Variants in ATP7B observed in about 807,000 individuals in gnomAD.
ATP7B encodes the protein ATPase copper transporting beta.
ATP7B carries 113 observed loss-of-function variants against 118.9 expected under a neutral mutation model. That is an observed-to-expected ratio of 0.95 (90% CI 0.82 to 1.11). The LOEUF (loss-of-function observed/expected upper bound fraction) is 1.11. Among genes scored for constraint, ATP7B ranks in the 50% most tolerant of loss-of-function variants. The pLI, the probability that ATP7B is intolerant of heterozygous loss-of-function variation, is 0.00. For synonymous variants in ATP7B, 777 were observed against 727.4 expected, an observed-to-expected ratio of 1.07 and a Z score of -1.10; for missense variants, 1,867 against 1,871.4, an observed-to-expected ratio of 1.00 and a Z score of 0.04.
At chr13:51,939,002 T>C (rs929385668) in intron 17 of ATP7B, 49 bp downstream of exon 17, 1 of 1,614,082 alleles carries the variant, frequency 6.2e-7, no homozygotes, top group African/African-American at 1.3e-5. Context: ...CTTTTGTCTC[T>C]AACTGCTTTT....
chr13:51,959,508 C>CAG (rs1958591872), intron 7 of ATP7B: 1 of 58,236 alleles, frequency 1.7e-5, no homozygotes, highest in South Asian at 7.0e-4. Flanking sequence ...GACCCTGTCT[C>CAG]AAAAAAAAAA....
chr13:51,947,142 C>T (rs1957717415), intron 12 of ATP7B, among the ~76,000 whole-genome samples: 1 of 152,116 alleles, frequency 6.6e-6, no homozygotes, highest in South Asian at 2.1e-4. Context: ...GATGATGGAA[C>T]ATACTGATAT....
At chr13:51,965,184 T>C (rs1951485385) in intron 4 of ATP7B, 151 bp from the exon 5 acceptor site, 2 of 938,066 alleles carry the variant, frequency 2.1e-6, no homozygotes, top group African/African-American at 1.6e-5. Flanking sequence ...AAACCCCGCA[T>C]GTGAGATTCT....
At chr13:51,951,809 T>C (rs150080011) in intron 9 of ATP7B, among the ~76,000 whole-genome samples, 103 of 152,196 alleles carry the variant, frequency 6.8e-4, no homozygotes, top group African/African-American at 2.4e-3. Flanking sequence ...GGTTTGTGTG[T>C]TGCAGTGACT....
In ATP7B at chr13:51,934,799, C is replaced by T. The variant is rs780486131; in HGVS notation, c.4355G>A (p.Trp1452Ter). ...SAAADDDGDKWSLLLNGRDEE... is the reference protein window; with the variant it reads ...SAAADDDGDK ...ATCCCTGCCATTCAGGAGCAGAGAC[C>T]ACTTGTCCCCATCATCGTCTGCTGC... The change falls in exon 21 of 21, where the codon TGG becomes TAG. Residue 1452 changes from tryptophan (W) to a stop codon, truncating the protein, a stop_gained. Coordinates refer to ENST00000242839, the MANE Select transcript of ATP7B (RefSeq NM_000053.4). LOFTEE classifies it high-confidence loss of function. The T allele has an allele frequency of 3.7e-6, 6 of 1,614,160 alleles. No individual in the cohort carries two copies. Among genetic ancestry groups the T allele is most frequent in the Non-Finnish European group, 5.1e-6 (6 of 1,180,038 alleles).
At chr13:51,993,230 T>A (rs564995531) in intron 1 of ATP7B, among the ~76,000 whole-genome samples, 1 of 152,074 alleles carries the variant, frequency 6.6e-6, no homozygotes, top group African/African-American at 2.4e-5. Flanking sequence ...CGTAAATTTG[T>A]TTTTTATATA....
intron 5 of ATP7B, among the ~76,000 whole-genome samples, chr13:51,962,912 C>T (rs1593743395): frequency 2.0e-5 from 3 of 151,422 alleles, no homozygotes; most frequent in Admixed American, 6.6e-5. Context: ...ACAAACATGG[C>T]GAAACCCCAT....
At chr13:51,961,163 T>C (rs1958715554) in intron 6 of ATP7B, among the ~76,000 whole-genome samples, 1 of 151,848 alleles carries the variant, frequency 6.6e-6, no homozygotes, top group Admixed American at 6.6e-5. Context: ...TGTCCCCTGC[T>C]TGGAGTTTTC....
At chr13:51,994,792 G>A (rs1376455071) in intron 1 of ATP7B, among the ~76,000 whole-genome samples, 2 of 151,800 alleles carry the variant, frequency 1.3e-5, no homozygotes, top group African/African-American at 2.4e-5. Flanking sequence ...TTTTATTTTC[G>A]TCTGACTAGG....
Position 51,934,916 on chromosome 13 carries a change from G to T in ATP7B, c.4238C>A (p.Ser1413Tyr). 6.2e-7 allele frequency: 1 copy of T among 1,614,136 alleles called. No individual in the cohort carries two copies. Residue 1413 changes from serine (S) to tyrosine (Y), a missense_variant, in exon 21 of 21, where the codon TCC becomes TAC. Transcript: ENST00000242839. ...CTGGTCCCATGGTGTGGCCCTGGGG[G>T]AGTCCCGCCACCTGTCATCCATGCC... Reference protein sequence around the residue: ...HIGMDDRWRDSPRATPWDQVS... With the variant: ...HIGMDDRWRDYPRATPWDQVS...
In ATP7B at chr13:51,968,637, T is replaced by A. The variant is rs1951688874; in HGVS notation, c.1544-30A>T. 5 of 1,613,306 alleles carry A rather than the reference T, an allele frequency of 3.1e-6. No homozygotes were observed. In the East Asian group the frequency reaches 8.9e-5, roughly 29 times the overall value. On this transcript the variant is annotated intron_variant, in intron 3 of 20. Transcript: ENST00000242839. Reference sequence around the variant, plus strand: ...AACCATCAGGTCATGGCTGTAACACTCTGGGTGGGCAGGGCCTCTAGGTTG... The same window carrying A: ...AACCATCAGGTCATGGCTGTAACACACTGGGTGGGCAGGGCCTCTAGGTTG...
chr13:51,946,192 T>G, intron 13 of ATP7B, 92 bp downstream of exon 13: 2 of 1,489,724 alleles, frequency 1.3e-6, no homozygotes, highest in South Asian at 1.2e-5. Flanking sequence ...ACTGCTGTCT[T>G]GAGTGGCTCT....
At chr13:51,964,633 A>G in intron 5 of ATP7B, 1 of 486,718 alleles carries the variant, frequency 2.1e-6, no homozygotes, top group Non-Finnish European at 3.7e-6. Context: ...TAAAATTAAA[A>G]CAATAATAAT....
At chr13:51,960,424 CACATGTCTGGG>C (rs1411634404) in intron 6 of ATP7B, 102 bp from the exon 7 acceptor site, 1 of 1,431,980 alleles carries the variant, frequency 7.0e-7, no homozygotes, top group Non-Finnish European at 9.6e-7. Context: ...CTGCCTTTGT[CACATGTCTGGG>C]ACAGACCACC....
intron 1 of ATP7B, among the ~76,000 whole-genome samples, chr13:51,976,379 A>G (rs564482675): frequency 1.3e-5 from 2 of 152,354 alleles, no homozygotes; most frequent in East Asian, 3.9e-4. Flanking sequence ...TGCAGACTAT[A>G]TAAATGTTGA....
Position 51,944,174 on chromosome 13 carries a change from C to T in ATP7B, c.3178G>A (p.Val1060Met), listed in dbSNP as rs1957511285. The stretch of plus-strand genomic sequence containing the variant: ...TCACTGCTGGCCTCCGCAGTCCCCA[C>T]CACAGCCAGAACCTTCCTGAGGGGC... Reference protein sequence around the residue: ...TLPLRKVLAVVGTAEASSEHP... With the variant: ...TLPLRKVLAVMGTAEASSEHP... The change falls in exon 14 of 21, where the codon GTG becomes ATG. Residue 1060 changes from valine (V) to methionine (M), a missense_variant. By Grantham distance (21) the Val-to-Met change is conservative. Transcript: ENST00000242839. 2 of 1,614,216 alleles carry T rather than the reference C, an allele frequency of 1.2e-6. No homozygotes were observed. Among genetic ancestry groups the T allele is most frequent in the Non-Finnish European group, 1.7e-6 (2 of 1,180,040 alleles).
Position 51,974,073 on chromosome 13 carries a change from G to A in ATP7B, c.1147C>T (p.Gln383Ter), listed in dbSNP as rs2140071850. 2.5e-6 allele frequency: 4 copies of A among 1,614,082 alleles called. No individual in the cohort carries two copies. The highest frequency in any genetic ancestry group is 3.4e-6 in the Non-Finnish European group (4 of 1,179,962). Residue 383 changes from glutamine (Q) to a stop codon, truncating the protein, a stop_gained, in exon 2 of 21, where the codon CAA becomes TAA. Coordinates refer to ENST00000242839, the MANE Select transcript of ATP7B (RefSeq NM_000053.4). LOFTEE classifies it high-confidence loss of function. ...GATATTTGCTGCACCCCTTCCAGTT[G>A]GGAGATCATGCCTTCAATGGAATGG... ...CVHSIEGMIS[Q>*]LEGVQQISVS...
At chr13:52,008,413 T>TGA (rs1458874005) in intron 1 of ATP7B, among the ~76,000 whole-genome samples, 1 of 152,172 alleles carries the variant, frequency 6.6e-6, no homozygotes, top group Non-Finnish European at 1.5e-5. Flanking sequence ...TGTCCACTGG[T>TGA]GATTGGCACA....
intron 5 of ATP7B, among the ~76,000 whole-genome samples, chr13:51,962,276 C>A (rs1958801650): frequency 1.3e-5 from 2 of 152,230 alleles, no homozygotes; most frequent in African/African-American, 4.8e-5. Context: ...AAGCCCCACC[C>A]TTCTCAGAAG....
Sources: gnomAD v4.1 joint callset for allele counts (sites outside exome capture counted in the v4.1 genomes callset) on GRCh38, gnomAD v4.1.1 for gene constraint, MANE v1.5 for transcripts, NCBI Gene and HGNC (gene_info 2026-07-23, HGNC 2026-07-21) for gene names.